TNRC6B: variants seen among roughly 807,000 people sequenced by gnomAD.
TNRC6B encodes trinucleotide repeat-containing gene 6B protein.
TNRC6B carries 52 observed loss-of-function variants against 203.6 expected under a neutral mutation model. The observed-to-expected ratio is 0.26, with a 90% CI of 0.20 to 0.32. TNRC6B has a LOEUF of 0.32. Ranked by LOEUF, TNRC6B falls within the 10% of genes least tolerant of loss-of-function variation. The pLI, the probability that TNRC6B is intolerant of heterozygous loss-of-function variation, is 1.00. For missense variants in TNRC6B, 1,923 were observed against 2,286.2 expected, an observed-to-expected ratio of 0.84 and a Z score of 3.24; for synonymous variants, 838 against 845.7, an observed-to-expected ratio of 0.99 and a Z score of 0.16.
At chr22:40,110,192 G>A (rs1211320955) in intron 1 of TNRC6B, among the ~76,000 whole-genome samples, 1 of 152,028 alleles carries the variant, frequency 6.6e-6, no homozygotes, top group Middle Eastern at 3.2e-3. Context: ...AATTATAATT[G>A]CATATACTTA....
At chr22:40,125,777 A>G in exon 3 of TNRC6B, 1 of 1,594,640 alleles carries the variant, frequency 6.3e-7, no homozygotes, top group Non-Finnish European at 8.5e-7. Flanking sequence ...TTTAGGCAGT[A>G]TTTTTGTGTT....
At chr22:40,214,863 A>G (rs1188041892) in intron 1 of TNRC6B, among the ~76,000 whole-genome samples, 1 of 152,100 alleles carries the variant, frequency 6.6e-6, no homozygotes, top group Non-Finnish European at 1.5e-5. Flanking sequence ...CTTGTGTTGT[A>G]TTTCTTACAA....
chr22:40,265,265 A>T lies in TNRC6B; in HGVS notation c.1035A>T (p.Glu345Asp). The T allele has an allele frequency of 6.2e-7, 1 of 1,614,034 alleles. No individual in the cohort carries two copies. The highest frequency in any genetic ancestry group is 2.2e-5 in the East Asian group (1 of 44,892). Residue 345 changes from glutamate (E) to aspartate (D), a missense_variant, in exon 5 of 23, where the codon GAA becomes GAT. Glu to Asp is a conservative substitution (Grantham distance 45, BLOSUM62 2). Transcript: ENST00000454349. ...GCACAGTAGGTCAGACATCCAGGGA[A>T]CAGCAGTCAAAGATGGAAAATGCGG... ...QVSTVGQTSR[E>D]QQSKMENAGV... is the part of the protein sequence containing the mutation.
chr22:40,148,163 T>C lies in TNRC6B; in HGVS notation c.46-7952T>C, dbSNP rs554893658. On this transcript the variant is annotated intron_variant, in intron 3 of 23. Coordinates refer to the TNRC6B transcript ENST00000301923. ...AGTGCAGTTAAAACCATGATTAGAA[T>C]TGGCTAAAATTAAAAAGTCCACACA... Among the ~76,000 whole-genome samples, 5 of 152,066 alleles carry C rather than the reference T, an allele frequency of 3.3e-5. No homozygotes were observed. The South Asian group carries it at 1.0e-3, about 31-fold the overall frequency.
At chr22:40,090,009 T>G (rs958287584) in intron 1 of TNRC6B, among the ~76,000 whole-genome samples, 1 of 152,248 alleles carries the variant, frequency 6.6e-6, no homozygotes. Flanking sequence ...TTTTCATGGC[T>G]TGATAGCTCA....
At chr22:40,281,834 C>G (rs1346433670) in intron 11 of TNRC6B, among the ~76,000 whole-genome samples, 2 of 152,158 alleles carry the variant, frequency 1.3e-5, no homozygotes, top group Non-Finnish European at 2.9e-5. Context: ...ATTGCTGAGA[C>G]ACAGCAGTGT....
chr22:40,115,248 T>G (rs2068376746), intron 1 of TNRC6B, among the ~76,000 whole-genome samples: 4 of 152,202 alleles, frequency 2.6e-5, no homozygotes, highest in Admixed American at 2.6e-4. Flanking sequence ...TAATGATAGA[T>G]CCAGAGAAGA....
intron 1 of TNRC6B, among the ~76,000 whole-genome samples, chr22:40,221,758 C>CG (rs937166558): frequency 2.4e-5 from 3 of 123,382 alleles, no homozygotes; most frequent in Non-Finnish European, 3.5e-5. Flanking sequence ...ATTGCCCCCC[C>CG]CCCTTTTTTT....
chr22:40,251,418 A>G (rs1046426453), intron 3 of TNRC6B, among the ~76,000 whole-genome samples: 1 of 152,152 alleles, frequency 6.6e-6, no homozygotes, highest in Non-Finnish European at 1.5e-5. Flanking sequence ...AAGAGTAAAT[A>G]CCTTGTTTTA....
rs67113294 is a variant in TNRC6B, at chr22:40,253,102, C to CT, written c.115+1915dup. Among the ~76,000 whole-genome samples the CT allele has an allele frequency of 3.8e-3, 541 of 141,950 alleles. 1 individual carries two copies. The highest frequency in any genetic ancestry group is 5.7e-3 in the East Asian group (28 of 4,954). The allele number at this position is 141,950 out of a possible 152,430, so 93.1% of individuals were successfully genotyped here. A position where few individuals can be genotyped will look rare whatever the true frequency, so the allele number is the denominator to read the frequency against. ...CATCTTTTCTTTTTTTTCTTTTTTTCTTTTTTTTTTTTTGAGGCAGAGTCT... is the reference window on the plus strand; with the variant it reads ...CATCTTTTCTTTTTTTTCTTTTTTTCTTTTTTTTTTTTTTGAGGCAGAGTCT... On this transcript the variant is annotated intron_variant, in intron 3 of 22. Transcript: ENST00000454349.
intron 1 of TNRC6B, among the ~76,000 whole-genome samples, chr22:40,048,527 C>T (rs1220406867): frequency 6.9e-6 from 1 of 144,570 alleles, no homozygotes; most frequent in East Asian, 2.0e-4. Context: ...GGCAACAGAG[C>T]GAGGCTCCGT....
At chr22:40,130,553 G>A (rs1286233680) in intron 3 of TNRC6B, among the ~76,000 whole-genome samples, 1 of 151,564 alleles carries the variant, frequency 6.6e-6, no homozygotes, top group Non-Finnish European at 1.5e-5. Flanking sequence ...AGGCCGAGGC[G>A]GGCGGATCAC....
At chr22:40,066,178 A>G (rs1271964475) in intron 1 of TNRC6B, among the ~76,000 whole-genome samples, 1 of 152,126 alleles carries the variant, frequency 6.6e-6, no homozygotes, top group Non-Finnish European at 1.5e-5. Context: ...TTCCCTAGGC[A>G]GCAAGCTAGG....
At chr22:40,222,619 T>C (rs2069724936) in intron 1 of TNRC6B, among the ~76,000 whole-genome samples, 1 of 152,094 alleles carries the variant, frequency 6.6e-6, no homozygotes, top group African/African-American at 2.4e-5. Context: ...AGTTTTTATT[T>C]AAATTCGAGA....
At chr22:40,157,064 C>A (rs2068824569) in intron 4 of TNRC6B, among the ~76,000 whole-genome samples, 1 of 151,978 alleles carries the variant, frequency 6.6e-6, no homozygotes, top group African/African-American at 2.4e-5. Context: ...TGTGAGGCAT[C>A]GTGCCCAGCC....
Position 40,048,940 on chromosome 22 carries a change from C to G in TNRC6B, c.-121+3942C>G, listed in dbSNP as rs373287281. Among the ~76,000 whole-genome samples the G allele has an allele frequency of 1.2e-4, 19 of 152,166 alleles. 2 individuals are homozygous for G. The highest frequency in any genetic ancestry group is 9.8e-4 in the Admixed American group (15 of 15,284). The stretch of plus-strand genomic sequence containing the variant: ...ACCACAACCTCTGCCCCGCTCCCCC[C>G]TCCCAACTTCACTGGGTTCAAGCGA... On this transcript the variant is annotated intron_variant, in intron 1 of 23. Coordinates refer to the TNRC6B transcript ENST00000301923.
intron 3 of TNRC6B, among the ~76,000 whole-genome samples, chr22:40,149,074 ATG>A (rs1389931993): frequency 6.6e-6 from 1 of 152,260 alleles, no homozygotes; most frequent in African/African-American, 2.4e-5. Context: ...AAGAATACAT[ATG>A]TGAGTGTTCA....
chr22:40,217,956 G>C (rs929032828), intron 1 of TNRC6B, among the ~76,000 whole-genome samples: 2 of 131,886 alleles, frequency 1.5e-5, no homozygotes, highest in African/African-American at 5.3e-5. Context: ...CTGGGCGACA[G>C]AGTAAGACTC....
At chr22:40,107,198 A>G in intron 1 of TNRC6B, 1 of 501,426 alleles carries the variant, frequency 2.0e-6, no homozygotes, top group South Asian at 3.0e-5. Context: ...CCCTACCCCT[A>G]GGCTATGAAG....
Sources: allele counts gnomAD v4.1 joint callset (sites outside exome capture counted in the v4.1 genomes callset), GRCh38; gene constraint gnomAD v4.1.1; transcripts MANE v1.5; gene names NCBI Gene and HGNC (gene_info 2026-07-23, HGNC 2026-07-21).